EPSTI1: variants seen among roughly 807,000 people sequenced by gnomAD.
EPSTI1 encodes the protein epithelial-stromal interaction protein 1.
A neutral mutation model predicts 49.9 loss-of-function variants in EPSTI1; 66 were observed. The observed-to-expected ratio is 1.32, with a 90% CI of 1.08 to 1.62. The LOEUF is 1.62. Among genes scored for constraint, EPSTI1 ranks in the 40% most tolerant of loss-of-function variants. The pLI, the probability that EPSTI1 is intolerant of heterozygous loss-of-function variation, is 0.00. For synonymous variants in EPSTI1, 137 were observed against 130.7 expected, an observed-to-expected ratio of 1.05 and a Z score of -0.33; for missense variants, 394 against 365.5, an observed-to-expected ratio of 1.08 and a Z score of -0.64.
intron 3 of EPSTI1, 63 bp from the exon 4 acceptor site, chr13:42,964,202 G>A (rs2039542315): frequency 1.6e-6 from 2 of 1,276,436 alleles, no homozygotes; most frequent in African/African-American, 3.0e-5. Flanking sequence ...CAGCCATCGA[G>A]GACTAATTAA....
At chr13:42,901,546 C>T (rs534406073) in intron 8 of EPSTI1, among the ~76,000 whole-genome samples, 2 of 152,126 alleles carry the variant, frequency 1.3e-5, no homozygotes, top group Non-Finnish European at 2.9e-5. Flanking sequence ...ATTTGTTATA[C>T]ACCTTGCTGC....
At chr13:42,907,090 C>G (rs937104617) in intron 8 of EPSTI1, among the ~76,000 whole-genome samples, 2 of 152,138 alleles carry the variant, frequency 1.3e-5, no homozygotes, top group Non-Finnish European at 2.9e-5. Context: ...ACATATTCCT[C>G]TTATCTAATT....
intron 3 of EPSTI1, among the ~76,000 whole-genome samples, chr13:42,965,335 A>G (rs1488519127): frequency 1.3e-5 from 2 of 152,150 alleles, no homozygotes; most frequent in African/African-American, 2.4e-5. Context: ...AGTCCCTCCC[A>G]CACACACATA....
chr13:42,915,255 G>A (rs182443472), intron 8 of EPSTI1, among the ~76,000 whole-genome samples: 1 of 152,218 alleles, frequency 6.6e-6, no homozygotes, highest in Non-Finnish European at 1.5e-5. Context: ...CCTTTGGCCA[G>A]GTGCGGTGGC....
chr13:42,934,126 C>T, intron 6 of EPSTI1: 1 of 185,700 alleles, frequency 5.4e-6, no homozygotes, highest in Non-Finnish European at 1.2e-5. Context: ...TACTGGGCTA[C>T]CGTCAAAAGC....
Position 42,992,207 on chromosome 13 carries a change from G to C in EPSTI1, c.-42C>G. 6.7e-7 allele frequency: 1 copy of C among 1,498,220 alleles called. No homozygotes were observed. Among genetic ancestry groups the C allele is most frequent in the South Asian group, 1.3e-5 (1 of 74,498 alleles). 92.8% of individuals were successfully genotyped at this position (1,498,220 alleles called of 1,614,324 possible). ...GTCCCGGGCCGCCGTCGCTGCGGGA[G>C]GGATGCGGCTGGGACGCTTAGCGAG... On this transcript the variant is annotated 5_prime_UTR_variant, in exon 1 of 11. Coordinates refer to ENST00000313624, the MANE Select transcript of EPSTI1 (RefSeq NM_033255.5).
At chr13:42,977,112 C>G (rs1449591112) in intron 1 of EPSTI1, among the ~76,000 whole-genome samples, 4 of 152,122 alleles carry the variant, frequency 2.6e-5, no homozygotes. Flanking sequence ...GAACATTATC[C>G]AGAAGAAAAC....
Position 42,960,660 on chromosome 13 carries a change from G to A in EPSTI1, c.489+2595C>T, listed in dbSNP as rs182740026. Among the ~76,000 whole-genome samples the A allele has an allele frequency of 6.6e-5, 10 of 152,278 alleles. No individual in the cohort carries two copies. In the East Asian group the frequency reaches 1.9e-3, roughly 29 times the overall value. On this transcript the variant is annotated intron_variant, in intron 5 of 10. Coordinates refer to ENST00000313624, the MANE Select transcript of EPSTI1 (RefSeq NM_033255.5). ...AGAAGTACAAAACGGGTATCAATGG[G>A]CTAAAATCAAGGTGCCAGAAAGGCT...
intron 1 of EPSTI1, among the ~76,000 whole-genome samples, chr13:42,980,140 A>G (rs2039962147): frequency 6.6e-6 from 1 of 152,206 alleles, no homozygotes. Flanking sequence ...ATTTTTAGAA[A>G]GAATACTAGA....
chr13:42,890,473 T>C (rs1386570569), intron 10 of EPSTI1, among the ~76,000 whole-genome samples: 1 of 152,108 alleles, frequency 6.6e-6, no homozygotes, highest in Non-Finnish European at 1.5e-5. Flanking sequence ...AATATTTTTG[T>C]GTTTTTAGTA....
chr13:42,984,749 T>A (rs200556032), intron 1 of EPSTI1, among the ~76,000 whole-genome samples: 2 of 151,978 alleles, frequency 1.3e-5, no homozygotes, highest in Admixed American at 1.3e-4. Context: ...CCCTTGAGAG[T>A]TTGGGGATGA....
intron 10 of EPSTI1, among the ~76,000 whole-genome samples, chr13:42,893,549 C>A (rs1487757786): frequency 2.6e-5 from 4 of 152,146 alleles, no homozygotes; most frequent in Non-Finnish European, 5.9e-5. Context: ...GGAAACAATG[C>A]TCCTCTCTTT....
chr13:42,911,916 T>C (rs1192774927), intron 8 of EPSTI1, among the ~76,000 whole-genome samples: 2 of 152,334 alleles, frequency 1.3e-5, no homozygotes, highest in Non-Finnish European at 1.5e-5. Context: ...GATTAAAATG[T>C]TGTAATTTTG....
At chr13:42,903,134 C>T (rs985927666) in intron 8 of EPSTI1, among the ~76,000 whole-genome samples, 1 of 152,120 alleles carries the variant, frequency 6.6e-6, no homozygotes, top group Non-Finnish European at 1.5e-5. Flanking sequence ...CAAACTAACT[C>T]TCATTAGTTC....
chr13:42,952,306 C>T (rs905453081), intron 6 of EPSTI1, among the ~76,000 whole-genome samples: 1 of 152,166 alleles, frequency 6.6e-6, no homozygotes, highest in Non-Finnish European at 1.5e-5. Context: ...GGGTCTGTGC[C>T]ACCTTTAAGA....
chr13:42,949,142 C>T (rs2153427633), intron 6 of EPSTI1, among the ~76,000 whole-genome samples: 1 of 152,264 alleles, frequency 6.6e-6, no homozygotes, highest in East Asian at 1.9e-4. Flanking sequence ...AAATTTTTTA[C>T]CCCAAAATAT....
chr13:42,991,953 G>C, intron 1 of EPSTI1, 25 bp downstream of exon 1: 1 of 1,612,538 alleles, frequency 6.2e-7, no homozygotes, highest in Non-Finnish European at 8.5e-7. Flanking sequence ...CTCCCGCCCC[G>C]AAGCCAGGTT....
rs1188489027 is a variant in EPSTI1 at position 42,978,049 on chromosome 13, A to G, written c.189-7379T>C. Among the ~76,000 whole-genome samples the G allele has an allele frequency of 2.0e-5, 3 of 151,898 alleles. No homozygotes were observed. The East Asian group carries it at 5.8e-4, about 29-fold the overall frequency. ...GCGCCTGTAGTCCCAGCTACTTGGG[A>G]GGCTGAGGCAGGAGAATGGCGTGAA... On this transcript the variant is annotated intron_variant, in intron 1 of 10. Transcript: ENST00000313624.
At chr13:42,963,214 T>C in intron 5 of EPSTI1, 41 bp downstream of exon 5, 1 of 1,501,810 alleles carries the variant, frequency 6.7e-7, no homozygotes, top group Non-Finnish European at 9.2e-7. Context: ...GAAACTATAA[T>C]TGTTGATCAG....
Sources: gnomAD v4.1 joint callset for allele counts (sites outside exome capture counted in the v4.1 genomes callset) on GRCh38, gnomAD v4.1.1 for gene constraint, MANE v1.5 for transcripts, NCBI Gene and HGNC (gene_info 2026-07-23, HGNC 2026-07-21) for gene names.